Variants in ZFYVE16 observed in about 807,000 individuals in gnomAD.
ZFYVE16 encodes zinc finger FYVE-type containing 16.
A neutral mutation model predicts 138.1 loss-of-function variants in ZFYVE16; 89 were observed. The ratio of observed to expected loss-of-function variants is 0.64; its 90% CI spans 0.54 to 0.77. The LOEUF (loss-of-function observed/expected upper bound fraction) is 0.77, where lower values mean the gene tolerates loss of function less well. Among genes scored for constraint, ZFYVE16 ranks in the 30% least tolerant of loss-of-function variants. The probability of loss-of-function intolerance (pLI) is 0.00; values close to 1 mark genes in which losing one functional copy is unlikely to be tolerated. For missense variants in ZFYVE16, 1,793 were observed against 1,786.7 expected, an observed-to-expected ratio of 1.00 and a Z score of -0.06; for synonymous variants, 596 against 618.3, an observed-to-expected ratio of 0.96 and a Z score of 0.53.
In ZFYVE16 at chr5:80,435,944, G is replaced by A. The variant is rs80228719; in HGVS notation, c.71-812G>A. ...TATCTACATTCAAAAGTAAAATCCAGGAAGTAATTTAAAGTCAAATAAAAA... is the reference window on the plus strand; with the variant it reads ...TATCTACATTCAAAAGTAAAATCCAAGAAGTAATTTAAAGTCAAATAAAAA... On this transcript the variant is annotated intron_variant, in intron 3 of 18. Coordinates refer to ENST00000505560, the MANE Select transcript of ZFYVE16 (RefSeq NM_001284236.3). 1,096 of 194,450 alleles carry A rather than the reference G, an allele frequency of 5.6e-3. 5 individuals carry two copies. Among genetic ancestry groups the A allele is most frequent in the Middle Eastern group, 9.6e-3 (6 of 624 alleles). 12.0% of individuals were successfully genotyped at this position (194,450 alleles called of 1,614,324 possible).
intron 2 of ZFYVE16, among the ~76,000 whole-genome samples, chr5:80,431,323 A>G (rs1054642808): frequency 2.0e-5 from 3 of 152,220 alleles, no homozygotes; most frequent in African/African-American, 7.2e-5. Flanking sequence ...TATAAACAGA[A>G]CCAAAGACAA....
intron 11 of ZFYVE16, chr5:80,455,407 G>A: frequency 3.2e-6 from 1 of 309,144 alleles, no homozygotes; most frequent in Non-Finnish European, 6.0e-6. Context: ...TGTGGCACAT[G>A]CCTATAATCC....
At chr5:80,440,383 G>T in intron 5 of ZFYVE16, 2 of 997,278 alleles carry the variant, frequency 2.0e-6, no homozygotes, top group Non-Finnish European at 2.4e-6. Flanking sequence ...CCTACCAATA[G>T]TAGTACTCAA....
chr5:80,442,417 A>AT (rs1242615310), intron 5 of ZFYVE16, among the ~76,000 whole-genome samples: 1 of 152,178 alleles, frequency 6.6e-6, no homozygotes, highest in Non-Finnish European at 1.5e-5. Flanking sequence ...CTTAGGTGGT[A>AT]TTTTTTATAA....
At chr5:80,412,786 A>G (rs1204074711) in intron 1 of ZFYVE16, among the ~76,000 whole-genome samples, 2 of 152,202 alleles carry the variant, frequency 1.3e-5, no homozygotes, top group East Asian at 3.8e-4. Context: ...TTCCGTTACT[A>G]CTACTTTTTA....
In ZFYVE16 at chr5:80,434,135, G is replaced by A. The variant is rs1749528117; in HGVS notation, c.-13G>A. 1.9e-6 allele frequency: 3 copies of A among 1,609,998 alleles called. No individual in the cohort carries two copies. The African/African-American group carries it at 4.0e-5, about 22-fold the overall frequency. On this transcript the variant is annotated 5_prime_UTR_variant, in exon 3 of 19. Transcript: ENST00000505560. ...CATACAAGAATTAAATTCTGAATAA[G>A]TCTGCAGGTAGGATGGACAGTTATT... is the stretch of plus-strand genomic sequence containing the variant.
At chr5:80,446,801 TATATA>T (rs1176933127) in intron 7 of ZFYVE16, among the ~76,000 whole-genome samples, 3 of 152,314 alleles carry the variant, frequency 2.0e-5, no homozygotes, top group Non-Finnish European at 2.9e-5. Context: ...AAACAGAAGA[TATATA>T]ATATAGAATC....
intron 8 of ZFYVE16, among the ~76,000 whole-genome samples, chr5:80,449,187 T>C (rs543023430): frequency 5.3e-5 from 8 of 152,244 alleles, no homozygotes; most frequent in South Asian, 4.1e-4. Context: ...GTAGCTGATA[T>C]AGGCATGTGG....
intron 15 of ZFYVE16, among the ~76,000 whole-genome samples, chr5:80,469,441 C>T (rs1297207863): frequency 6.6e-6 from 1 of 151,928 alleles, no homozygotes; most frequent in Non-Finnish European, 1.5e-5. Flanking sequence ...TGAGGTCTTC[C>T]TATATTGCCC....
Position 80,450,444 on chromosome 5 carries a change from A to T in ZFYVE16, c.3240A>T (p.Lys1080Asn). The T allele has an allele frequency of 6.2e-7, 1 of 1,613,332 alleles. No homozygotes were observed. Among genetic ancestry groups the T allele is most frequent in the Non-Finnish European group, 8.5e-7 (1 of 1,179,532 alleles). The change falls in exon 10 of 19, where the codon AAA (lysine) becomes AAT (asparagine). Residue 1080 changes from lysine (K) to asparagine (N), a missense_variant. Physicochemically the swap from Lys to Asn is moderately conservative, Grantham distance 94. Transcript: ENST00000505560. The part of the protein sequence containing the change: ...NVKFIFYSSD[K>N]YWYFSTNGLH... Reference sequence around the variant, plus strand: ...TTATCATCTAAGATTCCTCAGACAAATATTGGTACTTTTCAACCAATGGAT... The same window carrying T: ...TTATCATCTAAGATTCCTCAGACAATTATTGGTACTTTTCAACCAATGGAT...
rs1442805269 is a variant in ZFYVE16, at chr5:80,459,426, G to A, written c.3956G>A (p.Ser1319Asn). The A allele has an allele frequency of 3.1e-6, 5 of 1,612,752 alleles. No individual in the cohort carries two copies. Among genetic ancestry groups the A allele is most frequent in the Admixed American group, 1.7e-5 (1 of 59,874 alleles). ...ATTTCTTGATCAGTGACAGGTGCAA[G>A]TTTTGTGGTATTCAATGGAGCTCTA... ...TGHPRKVTGASFVVFNGALKT... is the reference protein window; with the variant it reads ...TGHPRKVTGANFVVFNGALKT... Residue 1319 changes from serine to asparagine, a missense_variant, in exon 15 of 19, where the codon AGT (serine) becomes AAT (asparagine). Physicochemically the swap from Ser to Asn is conservative, Grantham distance 46. Transcript: ENST00000505560.
intron 15 of ZFYVE16, among the ~76,000 whole-genome samples, chr5:80,470,817 G>A (rs1296691875): frequency 5.3e-5 from 8 of 152,074 alleles, no homozygotes; most frequent in African/African-American, 1.9e-4. Context: ...GGCCTGTCTA[G>A]TAATTTTTGG....
At chr5:80,471,793 C>T (rs1005011789) in intron 15 of ZFYVE16, among the ~76,000 whole-genome samples, 6 of 152,172 alleles carry the variant, frequency 3.9e-5, no homozygotes, top group African/African-American at 1.2e-4. Context: ...TTTTAGTAGG[C>T]AGTTTCATGG....
intron 1 of ZFYVE16, among the ~76,000 whole-genome samples, chr5:80,423,804 C>G (rs1031624300): frequency 1.1e-4 from 16 of 151,890 alleles, no homozygotes; most frequent in African/African-American, 3.6e-4. Flanking sequence ...TCCCAAAATG[C>G]TGGGATTACA....
Position 80,474,667 on chromosome 5 carries a change from T to G in ZFYVE16, c.4298T>G (p.Phe1433Cys), listed in dbSNP as rs1210291568. Residue 1433 changes from phenylalanine to cysteine, a missense_variant, in exon 18 of 19, where the codon TTC (phenylalanine) becomes TGC (cysteine). Physicochemically the swap from Phe to Cys is radical, Grantham distance 205. Transcript: ENST00000505560. ...TCCTAATTAAATACATTTCAGGTGT[T>G]CTACTTTCTAAAGGACCAGGATTTA... The part of the protein sequence containing the change: ...DEKIVKCTEV[F>C]YFLKDQDLSI... 2 of 1,607,828 alleles carry G rather than the reference T, an allele frequency of 1.2e-6. No homozygotes were observed. The highest frequency in any genetic ancestry group is 1.7e-6 in the Non-Finnish European group (2 of 1,177,820).
At chr5:80,448,000 T>TA (rs1554046465) in intron 7 of ZFYVE16, 26 bp from the exon 8 acceptor site, 4 of 1,530,016 alleles carry the variant, frequency 2.6e-6, no homozygotes, top group Non-Finnish European at 3.5e-6. Context: ...ACTGATTTGT[T>TA]ATTTTTTTTA....
intron 1 of ZFYVE16, among the ~76,000 whole-genome samples, chr5:80,408,391 G>A (rs371143183): frequency 6.6e-6 from 1 of 152,360 alleles, no homozygotes; most frequent in African/African-American, 2.4e-5. Context: ...GGACTGGACC[G>A]GGAGGGCAAT....
intron 1 of ZFYVE16, among the ~76,000 whole-genome samples, chr5:80,419,783 G>C (rs1374137596): frequency 6.6e-6 from 1 of 151,648 alleles, no homozygotes; most frequent in Non-Finnish European, 1.5e-5. Context: ...GATCAGGTTG[G>C]GAAGAATTCA....
intron 3 of ZFYVE16, 120 bp from the exon 4 acceptor site, chr5:80,436,636 A>G: frequency 1.1e-6 from 1 of 886,532 alleles, no homozygotes; most frequent in Non-Finnish European, 1.6e-6. Context: ...TGTTTTGCAA[A>G]AGGATAATCT....
Sources: gnomAD v4.1 joint callset for allele counts (sites outside exome capture counted in the v4.1 genomes callset) on GRCh38, gnomAD v4.1.1 for gene constraint, MANE v1.5 for transcripts, NCBI Gene and HGNC (gene_info 2026-07-23, HGNC 2026-07-21) for gene names.